Variants in NCAM2 observed in about 807,000 individuals in gnomAD.
NCAM2 encodes neural cell adhesion molecule 2.
Under a neutral mutation model 98.1 loss-of-function variants are expected in NCAM2, and 30 were observed. That is an observed-to-expected ratio of 0.31 (90% CI 0.23 to 0.41). The LOEUF is 0.41. NCAM2 is among the 10% of genes least tolerant of loss of function. The pLI is 1.00. For synonymous variants in NCAM2, 368 were observed against 342.4 expected (o/e 1.07, Z -0.83); for missense variants, 867 against 1,005.8 (o/e 0.86, Z 1.87).
At chr21:21,046,242 CTG>C (rs1332726726) in intron 1 of NCAM2, among the ~76,000 whole-genome samples, 3 of 152,154 alleles carry the variant, frequency 2.0e-5, no homozygotes, top group Non-Finnish European at 2.9e-5. Flanking sequence ...AGCAAGGAAA[CTG>C]TTGTTACTTA....
chr21:21,498,676 A>G (rs9976112), intron 15 of NCAM2, among the ~76,000 whole-genome samples: 175 of 152,308 alleles, frequency 1.1e-3, no homozygotes, highest in African/African-American at 3.4e-3. Context: ...GAGCCGAGAC[A>G]TACCAGAGTA....
intron 11 of NCAM2, among the ~76,000 whole-genome samples, chr21:21,425,040 CAAAAAAAAAAA>C (rs1192128472): frequency 7.5e-4 from 33 of 43,846 alleles, no homozygotes; most frequent in East Asian, 3.9e-3. Context: ...CTTCCTCCTC[CAAAAAAAAAAA>C]AAAAAAAAAA....
intron 1 of NCAM2, among the ~76,000 whole-genome samples, chr21:21,098,880 A>G (rs2066180179): frequency 6.6e-6 from 1 of 151,838 alleles, no homozygotes. Flanking sequence ...TTCAGCAAGC[A>G]ATTGCCAAAG....
intron 9 of NCAM2, among the ~76,000 whole-genome samples, chr21:21,402,245 G>A (rs1851032887): frequency 6.6e-6 from 1 of 152,068 alleles, no homozygotes; most frequent in African/African-American, 2.4e-5. Flanking sequence ...GAGAGATATG[G>A]CTAAATTCTT....
At chr21:21,281,587 ATAT>A (rs1314929631) in intron 2 of NCAM2, among the ~76,000 whole-genome samples, 1 of 152,092 alleles carries the variant, frequency 6.6e-6, no homozygotes, top group Non-Finnish European at 1.5e-5. Flanking sequence ...TTAATCAAAC[ATAT>A]TATAGAACTG....
At chr21:21,099,023 G>A (rs28758897) in intron 1 of NCAM2, among the ~76,000 whole-genome samples, 2,772 of 151,876 alleles carry the variant, frequency 0.018, 67 homozygotes, top group African/African-American at 0.057. Flanking sequence ...GACCATCAGT[G>A]GATTAATTTA....
intron 1 of NCAM2, among the ~76,000 whole-genome samples, chr21:21,183,240 T>TA (rs2068535639): frequency 6.6e-6 from 1 of 152,124 alleles, no homozygotes. Context: ...ACAACAAGGT[T>TA]AAAAAATTTG....
chr21:21,276,464 T>C (rs535337341), intron 1 of NCAM2, among the ~76,000 whole-genome samples: 13 of 152,206 alleles, frequency 8.5e-5, no homozygotes, highest in African/African-American at 3.1e-4. Flanking sequence ...TTTAAAACTT[T>C]TCCTTACCTT....
chr21:21,461,064 G>A (rs1397138867), intron 12 of NCAM2, among the ~76,000 whole-genome samples: 5 of 151,738 alleles, frequency 3.3e-5, no homozygotes, highest in African/African-American at 1.2e-4. Flanking sequence ...GATATTTTAT[G>A]AATATTTTAT....
At position 21,468,936 on chromosome 21, in the gene NCAM2, AT is replaced by A. The variant is rs924403592; in HGVS notation, c.1896+162del. Among the ~76,000 whole-genome samples, 6 of 151,706 alleles carry A rather than the reference AT, an allele frequency of 4.0e-5. No individual in the cohort carries two copies. The South Asian group carries it at 1.0e-3, about 26-fold the overall frequency. On this transcript the variant is annotated intron_variant, in intron 14 of 17. Coordinates refer to ENST00000400546, the MANE Select transcript of NCAM2 (RefSeq NM_004540.5). ...TCCATTCCTGACAGTCATCATTGTG[AT>A]TTTTTTTTATTTTTTTTGTAAAATC...
intron 1 of NCAM2, among the ~76,000 whole-genome samples, chr21:21,211,128 C>T (rs1311836172): frequency 1.3e-5 from 2 of 152,014 alleles, no homozygotes; most frequent in African/African-American, 4.8e-5. Context: ...AGATTAAATA[C>T]TGTTTTTAAA....
intron 1 of NCAM2, among the ~76,000 whole-genome samples, chr21:21,068,640 A>G (rs1051386814): frequency 2.0e-5 from 3 of 151,888 alleles, no homozygotes; most frequent in African/African-American, 7.3e-5. Flanking sequence ...TTGTATTTTT[A>G]GTAGATAAGG....
chr21:21,402,336 G>T (rs1428979562), intron 9 of NCAM2, among the ~76,000 whole-genome samples: 1 of 152,230 alleles, frequency 6.6e-6, no homozygotes, highest in Admixed American at 6.5e-5. Flanking sequence ...GCCACTCTGT[G>T]AGTGTCTATC....
At position 21,324,402 on chromosome 21, in the gene NCAM2, G is replaced by A. The variant is rs573634516; in HGVS notation, c.639G>A (p.Met213Ile). 271 of 1,613,092 alleles carry A rather than the reference G, an allele frequency of 1.7e-4. No homozygotes were observed. Among genetic ancestry groups the A allele is most frequent in the Admixed American group, 1.3e-3 (75 of 59,956 alleles). The change falls in exon 6 of 18, where the codon ATG becomes ATA. Residue 213 changes from methionine (M) to isoleucine (I), a missense_variant. Physicochemically the swap from Met to Ile is conservative, Grantham distance 10. Coordinates refer to ENST00000400546, the MANE Select transcript of NCAM2 (RefSeq NM_004540.5). ...VIVNVPPAIS[M>I]PQKSFNATAE... Reference sequence around the variant, plus strand: ...CTTCAGTGCCGCCAGCAATCTCAATGCCTCAGAAATCTTTTAATGCCACAG... The same window carrying A: ...CTTCAGTGCCGCCAGCAATCTCAATACCTCAGAAATCTTTTAATGCCACAG...
chr21:21,050,537 C>A (rs562787825), intron 1 of NCAM2, among the ~76,000 whole-genome samples: 1 of 152,126 alleles, frequency 6.6e-6, no homozygotes, highest in Non-Finnish European at 1.5e-5. Flanking sequence ...CTTAGCCTAG[C>A]ACTTCAGTTT....
At chr21:21,066,922 G>C (rs898161279) in intron 1 of NCAM2, among the ~76,000 whole-genome samples, 6 of 151,936 alleles carry the variant, frequency 3.9e-5, no homozygotes, top group Non-Finnish European at 7.4e-5. Context: ...CAGCATAACT[G>C]TAGCGTGTGT....
At chr21:21,382,881 ATTCT>A (rs1294326530) in intron 9 of NCAM2, among the ~76,000 whole-genome samples, 3 of 150,150 alleles carry the variant, frequency 2.0e-5, no homozygotes, top group East Asian at 2.0e-4. Context: ...GCTCCATTTT[ATTCT>A]TTCTGTCTTT....
At chr21:21,244,519 G>A (rs908575605) in intron 1 of NCAM2, among the ~76,000 whole-genome samples, 11 of 151,986 alleles carry the variant, frequency 7.2e-5, no homozygotes, top group South Asian at 4.2e-4. Context: ...TATCATATAC[G>A]TTGTATATTA....
At chr21:21,106,875 A>G (rs1333550684) in intron 1 of NCAM2, among the ~76,000 whole-genome samples, 4 of 152,092 alleles carry the variant, frequency 2.6e-5, no homozygotes, top group Non-Finnish European at 5.9e-5. Context: ...TTCTGAGTCA[A>G]TCTTTGAAAA....
Sources: allele counts gnomAD v4.1 joint callset (sites outside exome capture counted in the v4.1 genomes callset), GRCh38; gene constraint gnomAD v4.1.1; transcripts MANE v1.5; gene names NCBI Gene and HGNC (gene_info 2026-07-23, HGNC 2026-07-21).